Variants in ERCC4 observed in about 807,000 individuals in gnomAD.
ERCC4 encodes the protein DNA repair endonuclease XPF.
Under a neutral mutation model 76.9 loss-of-function variants are expected in ERCC4, and 65 were observed. The ratio of observed to expected loss-of-function variants is 0.84; its 90% CI spans 0.69 to 1.04. The LOEUF is 1.04. Ranked by LOEUF, ERCC4 falls within the 50% of genes least tolerant of loss-of-function variation. The probability of loss-of-function intolerance (pLI) is 0.00; values close to 1 mark genes in which losing one functional copy is unlikely to be tolerated. For synonymous variants in ERCC4, 463 were observed against 410.1 expected (o/e 1.13, Z -1.56); for missense variants, 1,214 against 1,128.2 (o/e 1.08, Z -1.09).
chr16:13,935,361 C>G lies in ERCC4; in HGVS notation c.1429C>G (p.Arg477Gly). The G allele has an allele frequency of 6.2e-7, 1 of 1,606,554 alleles. No individual in the cohort carries two copies. The highest frequency in any genetic ancestry group is 8.5e-7 in the Non-Finnish European group (1 of 1,178,122). Reference protein sequence around the residue: ...KRPKDPQNKERASTKERTLKK... With the variant: ...KRPKDPQNKEGASTKERTLKK... ...ACCTAAAGACCCCCAAAACAAAGAA[C>G]GGGCTTCTACCAAAGAAAGAACCCT... The change falls in exon 8 of 11, where the codon CGG (arginine) becomes GGG (glycine). Residue 477 changes from arginine (R) to glycine (G), a missense_variant. By Grantham distance (125) the Arg-to-Gly change is moderately radical. Coordinates refer to ENST00000311895, the MANE Select transcript of ERCC4 (RefSeq NM_005236.3).
At chr16:13,941,958 C>T (rs2032420760) in intron 9 of ERCC4, among the ~76,000 whole-genome samples, 1 of 152,178 alleles carries the variant, frequency 6.6e-6, no homozygotes, top group South Asian at 2.1e-4. Context: ...GTGGCTCACG[C>T]CTGTAATCCC....
At chr16:13,934,067 T>C (rs1326509826) in intron 6 of ERCC4, 125 bp from the exon 7 acceptor site, 2 of 629,770 alleles carry the variant, frequency 3.2e-6, no homozygotes, top group Non-Finnish European at 5.6e-6. Flanking sequence ...TCTAACATTA[T>C]AAAGAAAGCT....
Position 13,947,186 on chromosome 16 carries a change from T to C in ERCC4, c.2018-428T>C, listed in dbSNP as rs3136221. ...TTCCCCATCTCTGGACTCACTGATA[T>C]AAATACAATAGTCCCTAAATCACTA... On this transcript the variant is annotated intron_variant, in intron 10 of 10. Coordinates refer to ENST00000311895, the MANE Select transcript of ERCC4 (RefSeq NM_005236.3). Among the ~76,000 whole-genome samples, 293 of 152,336 alleles carry C rather than the reference T, an allele frequency of 1.9e-3. 1 individual carries two copies. Among genetic ancestry groups the C allele is most frequent in the African/African-American group, 6.5e-3 (270 of 41,578 alleles).
chr16:13,947,513 C>T (rs924484535), intron 10 of ERCC4, 101 bp from the exon 11 acceptor site: 26 of 1,116,888 alleles, frequency 2.3e-5, no homozygotes, highest in Non-Finnish European at 3.6e-5. Flanking sequence ...ATTATGTAAC[C>T]ATCCATCAGA....
chr16:13,949,693 C>T lies in ERCC4; in HGVS notation c.*1346C>T, dbSNP rs750161345. On this transcript the variant is annotated 3_prime_UTR_variant, in exon 11 of 11. Coordinates refer to ENST00000311895, the MANE Select transcript of ERCC4 (RefSeq NM_005236.3). ...TAAACCTGATTAAGTTGGCTTTTTA[C>T]GTAAGTGTACAAATAGGATATTCAC... 9.9e-5 allele frequency: 23 copies of T among 232,378 alleles called. No homozygotes were observed. The highest frequency in any genetic ancestry group is 1.2e-3 in the Middle Eastern group (1 of 804). 14.4% of individuals were successfully genotyped at this position (232,378 alleles called of 1,614,324 possible). A position where few individuals can be genotyped will look rare whatever the true frequency, so the allele number is the denominator to read the frequency against.
chr16:13,934,122 T>A, intron 6 of ERCC4, 70 bp from the exon 7 acceptor site: 1 of 998,582 alleles, frequency 1.0e-6, no homozygotes. Context: ...ATCTGTTGTT[T>A]TAAAAGCCTT....
rs568772417 is a variant in ERCC4 at position 13,933,876 on chromosome 16, G to A, written c.1103-316G>A. The A allele has an allele frequency of 1.7e-5, 4 of 240,796 alleles. No homozygotes were observed. In the South Asian group the frequency reaches 2.2e-4, roughly 13 times the overall value. 14.9% of individuals were successfully genotyped at this position (240,796 alleles called of 1,614,324 possible). ...ATAGTAAATACTGTCATTGTGTACC[G>A]ATGCCTTTGTTTTGTATAGCTGCTT... On this transcript the variant is annotated intron_variant, in intron 6 of 10. Transcript: ENST00000311895.
chr16:13,936,497 T>C (rs2032296566), intron 8 of ERCC4, among the ~76,000 whole-genome samples: 1 of 152,274 alleles, frequency 6.6e-6, no homozygotes, highest in African/African-American at 2.4e-5. Context: ...GGTAAATTTT[T>C]TGTACCGTGC....
rs1799798 is a variant in ERCC4, at chr16:13,920,421, G to A, written c.207+49G>A. 145,858 of 1,488,370 alleles carry A rather than the reference G, an allele frequency of 0.098. 8,776 individuals are homozygous for A. Among genetic ancestry groups the A allele is most frequent in the South Asian group, 0.21 (17,837 of 83,328 alleles). The allele number at this position is 1,488,370 out of a possible 1,614,324, so 92.2% of individuals were successfully genotyped here. A position where few individuals can be genotyped will look rare whatever the true frequency, so the allele number is the denominator to read the frequency against. Reference sequence around the variant, plus strand: ...TGAGGGGACTCCGAGAGTGTTGAGGGCCTCCTGAGCGGATGCGAGGCCTCT... The same window carrying A: ...TGAGGGGACTCCGAGAGTGTTGAGGACCTCCTGAGCGGATGCGAGGCCTCT... On this transcript the variant is annotated intron_variant, in intron 1 of 10. Coordinates refer to ENST00000311895, the MANE Select transcript of ERCC4 (RefSeq NM_005236.3).
At chr16:13,938,101 G>A (rs1050151783) in intron 9 of ERCC4, among the ~76,000 whole-genome samples, 7 of 151,994 alleles carry the variant, frequency 4.6e-5, no homozygotes, top group Non-Finnish European at 8.8e-5. Flanking sequence ...TAGAATATTA[G>A]AAATGTGACA....
At position 13,951,866 on chromosome 16, in the gene ERCC4, G is replaced by T. The variant is rs2032634935; in HGVS notation, c.*3519G>T. 4.5e-6 allele frequency: 1 copy of T among 220,914 alleles called. No individual in the cohort carries two copies. Among genetic ancestry groups the T allele is most frequent in the Non-Finnish European group, 9.1e-6 (1 of 110,386 alleles). 13.7% of individuals were successfully genotyped at this position (220,914 alleles called of 1,614,324 possible). Reference sequence around the variant, plus strand: ...TTTGTGTTCAGTTTAACCTAGAAAGGTCCTCTTGAAAAACCAACATTTTAG... The same window carrying T: ...TTTGTGTTCAGTTTAACCTAGAAAGTTCCTCTTGAAAAACCAACATTTTAG... On this transcript the variant is annotated 3_prime_UTR_variant, in exon 11 of 11. Transcript: ENST00000311895.
In ERCC4 at chr16:13,930,816, A is replaced by T; in HGVS notation, c.899A>T (p.Gln300Leu). 6 of 1,613,050 alleles carry T rather than the reference A, an allele frequency of 3.7e-6. No homozygotes were observed. The highest frequency in any genetic ancestry group is 4.2e-6 in the Non-Finnish European group (5 of 1,179,038). Residue 300 changes from glutamine to leucine, a missense_variant, in exon 5 of 11, where the codon CAG becomes CTG. Transcript: ENST00000311895. ...ILRTLLQYLSQYDCVTFLNLL... is the reference protein window; with the variant it reads ...ILRTLLQYLSLYDCVTFLNLL... ...CGAACTTTGCTGCAGTATCTCTCTC[A>T]GTATGATTGTGTCACATTTCTTAAT... is the stretch of plus-strand genomic sequence containing the variant.
chr16:13,921,203 T>TG (rs2031969225), intron 1 of ERCC4, among the ~76,000 whole-genome samples: 1 of 151,660 alleles, frequency 6.6e-6, no homozygotes, highest in Admixed American at 6.6e-5. Flanking sequence ...GACCAGGAAA[T>TG]AGGACATTCA....
chr16:13,946,891 G>A (rs966229649), intron 10 of ERCC4, among the ~76,000 whole-genome samples: 1 of 152,124 alleles, frequency 6.6e-6, no homozygotes, highest in African/African-American at 2.4e-5. Flanking sequence ...CTCCCGAGTA[G>A]CTGGGATTAC....
Position 13,930,813 on chromosome 16 carries a change from CTCAG to C in ERCC4, c.898_901del (p.Gln300MetfsTer13). On this transcript the variant is annotated frameshift_variant, in exon 5 of 11. Coordinates refer to ENST00000311895, the MANE Select transcript of ERCC4 (RefSeq NM_005236.3). LOFTEE classifies it high-confidence loss of function. ...TTACGAACTTTGCTGCAGTATCTCTCTCAGTATGATTGTGTCACATTTCTTAATC... is the reference window on the plus strand; with the variant it reads ...TTACGAACTTTGCTGCAGTATCTCTCTATGATTGTGTCACATTTCTTAATC... 1 of 1,612,602 alleles carries C rather than the reference CTCAG, an allele frequency of 6.2e-7. No homozygotes were observed. The highest frequency in any genetic ancestry group is 2.2e-5 in the East Asian group (1 of 44,854).
rs1342475183 is a variant in ERCC4 at position 13,949,523 on chromosome 16, A to G, written c.*1176A>G. 6 of 233,038 alleles carry G rather than the reference A, an allele frequency of 2.6e-5. No homozygotes were observed. The highest frequency in any genetic ancestry group is 4.4e-5 in the African/African-American group (2 of 45,352). 14.4% of individuals were successfully genotyped at this position (233,038 alleles called of 1,614,324 possible). On this transcript the variant is annotated 3_prime_UTR_variant, in exon 11 of 11. Coordinates refer to ENST00000311895, the MANE Select transcript of ERCC4 (RefSeq NM_005236.3). ...GTGAGGACTCAAATACAAGCCAATG[A>G]GTGGCCCACTAAGCTTTTAAGATTT...
At chr16:13,921,906 AGT>A in intron 1 of ERCC4, 123 bp from the exon 2 acceptor site, 1 of 662,472 alleles carries the variant, frequency 1.5e-6, no homozygotes, top group Admixed American at 2.6e-5. Flanking sequence ...GAAGTAACTT[AGT>A]GTGTATATTC....
intron 2 of ERCC4, chr16:13,922,536 T>C: frequency 2.7e-6 from 2 of 730,012 alleles, no homozygotes; most frequent in South Asian, 1.4e-5. Flanking sequence ...CCCTGACTGC[T>C]GTGGCCTCCA....
chr16:13,939,912 C>T (rs566723405), intron 9 of ERCC4, among the ~76,000 whole-genome samples: 85 of 152,244 alleles, frequency 5.6e-4, no homozygotes, highest in Admixed American at 3.1e-3. Context: ...CCCAAGTTTT[C>T]GCTCATTAAA....
Sources: allele counts gnomAD v4.1 joint callset (sites outside exome capture counted in the v4.1 genomes callset), GRCh38; gene constraint gnomAD v4.1.1; transcripts MANE v1.5; gene names NCBI Gene and HGNC (gene_info 2026-07-23, HGNC 2026-07-21).